The following FBXO4 variants were observed in gnomAD, a reference collection of about 807,000 sequenced individuals.
The protein encoded by FBXO4 is F-box protein 4, also known as F-box only protein 4.
In FBXO4, 36 loss-of-function variants were observed where a neutral mutation model predicts 43.7. The observed-to-expected ratio is 0.82, with a 90% CI of 0.63 to 1.09. The LOEUF (loss-of-function observed/expected upper bound fraction) is 1.09. FBXO4 is among the 50% of genes least tolerant of loss of function. The pLI is 0.00. For synonymous variants in FBXO4, 180 were observed against 165.6 expected, an observed-to-expected ratio of 1.09 and a Z score of -0.67; for missense variants, 435 against 474.1, an observed-to-expected ratio of 0.92 and a Z score of 0.77.
chr5:41,953,371 C>T, the FBXO4 span, among the ~76,000 whole-genome samples: 1 of 151,864 alleles, frequency 6.6e-6, no homozygotes, highest in African/African-American at 2.4e-5. Flanking sequence ...GTATATGTGC[C>T]ACATTTTCTT....
chr5:41,958,227 C>T, the FBXO4 span, among the ~76,000 whole-genome samples: 6 of 151,538 alleles, frequency 4.0e-5, no homozygotes, highest in Non-Finnish European at 7.4e-5. Flanking sequence ...CTCCGCCTCC[C>T]GGGTTCACGC....
rs79218198 is a variant in FBXO4, at chr5:41,935,249, A to T, written c.898+941A>T. 2.6e-5 allele frequency among the ~76,000 whole-genome samples: 4 copies of T among 152,194 alleles called. No homozygotes were observed. In the South Asian group the frequency reaches 8.3e-4, roughly 32 times the overall value. ...TAAATTAAAAAAATTTACAAGACAC[A>T]AAGAGACTATACTCACTTATCAGCT... On this transcript the variant is annotated intron_variant, in intron 5 of 6. Coordinates refer to ENST00000281623, the MANE Select transcript of FBXO4 (RefSeq NM_012176.3).
chr5:42,032,057 CTGTGTGTGTGTGTGTGTGTGTGTGTGTG>C, the FBXO4 span, among the ~76,000 whole-genome samples: 480 of 139,326 alleles, frequency 3.4e-3, 4 homozygotes, highest in African/African-American at 0.012. Context: ...GTCTTTTTTT[CTGTGTGTGTGTGTGTGTGTGTGTGTGTG>C]TGTGTGTGTG....
chr5:41,988,099 G>A, the FBXO4 span, among the ~76,000 whole-genome samples: 1 of 152,280 alleles, frequency 6.6e-6, no homozygotes, highest in Non-Finnish European at 1.5e-5. Context: ...ACGGCTTTTA[G>A]TAATATGGTG....
At chr5:42,008,829 A>G in the FBXO4 span, among the ~76,000 whole-genome samples, 1 of 152,262 alleles carries the variant, frequency 6.6e-6, no homozygotes, top group Middle Eastern at 3.4e-3. Flanking sequence ...TCTCTGTTCC[A>G]ACACTGTCCC....
chr5:42,011,966 T>A, the FBXO4 span, among the ~76,000 whole-genome samples: 3 of 152,210 alleles, frequency 2.0e-5, no homozygotes, highest in Non-Finnish European at 4.4e-5. Flanking sequence ...GGGAAACAAA[T>A]ACCGTCTTCA....
chr5:42,004,669 T>C, the FBXO4 span, among the ~76,000 whole-genome samples: 1 of 152,148 alleles, frequency 6.6e-6, no homozygotes, highest in African/African-American at 2.4e-5. Context: ...TAAAAATGAA[T>C]TAGAATTGAG....
chr5:41,925,483 C>A lies in FBXO4; in HGVS notation c.174C>A (p.Thr58=), dbSNP rs946075051. ...AGGAGGTGGATGAGGCGGCCAGCAC[C>A]CTGACGCGGCTGCCGGTGAGCGTCG... ...SREEVDEAAS[T]LTRLPIDVQL... is the part of the protein sequence containing the mutation. Residue 58 remains threonine, a synonymous_variant, in exon 1 of 7, where the codon ACC becomes ACA. Transcript: ENST00000281623. 3 of 1,314,000 alleles carry A rather than the reference C, an allele frequency of 2.3e-6. No individual in the cohort carries two copies. Among genetic ancestry groups the A allele is most frequent in the Non-Finnish European group, 2.9e-6 (3 of 1,023,766 alleles). 81.4% of individuals were successfully genotyped at this position (1,314,000 alleles called of 1,614,324 possible).
the FBXO4 span, among the ~76,000 whole-genome samples, chr5:42,017,821 CATTTTCTTTATCTAATCTACCGTCTCT>C: frequency 6.6e-6 from 1 of 151,962 alleles, no homozygotes; most frequent in Non-Finnish European, 1.5e-5. Flanking sequence ...CTATGCACCG[CATTTTCTTTATCTAATCTACCGTCTCT>C]GGGCACCTAT....
chr5:41,992,065 C>A, the FBXO4 span, among the ~76,000 whole-genome samples: 3 of 151,958 alleles, frequency 2.0e-5, no homozygotes, highest in African/African-American at 7.2e-5. Context: ...GCAACAGGAG[C>A]AAAAATCGGT....
intron 6 of FBXO4, among the ~76,000 whole-genome samples, chr5:41,940,056 G>T (rs1242598631): frequency 6.6e-6 from 1 of 151,488 alleles, no homozygotes; most frequent in East Asian, 1.9e-4. Flanking sequence ...TCTCCATGTT[G>T]CCCAGGCTGA....
chr5:42,036,205 A>T, the FBXO4 span, among the ~76,000 whole-genome samples: 10 of 152,064 alleles, frequency 6.6e-5, no homozygotes, highest in Non-Finnish European at 1.5e-4. Context: ...CTAATCTGTA[A>T]AATAATCAAA....
intron 5 of FBXO4, among the ~76,000 whole-genome samples, chr5:41,935,844 T>C (rs1163540719): frequency 6.6e-6 from 1 of 152,166 alleles, no homozygotes; most frequent in Non-Finnish European, 1.5e-5. Flanking sequence ...GTTAACAAGA[T>C]AGGCTGAAAG....
chr5:41,995,084 T>G, the FBXO4 span, among the ~76,000 whole-genome samples: 1 of 152,202 alleles, frequency 6.6e-6, no homozygotes, highest in Non-Finnish European at 1.5e-5. Context: ...TTCACCATTC[T>G]ATTAGTCTAG....
At chr5:41,952,087 C>A in the FBXO4 span, 1 of 190,960 alleles carries the variant, frequency 5.2e-6, no homozygotes, top group South Asian at 1.1e-4. Context: ...AGGTACTGTT[C>A]CATTTGGAAG....
At chr5:41,952,793 T>C in the FBXO4 span, among the ~76,000 whole-genome samples, 1 of 152,172 alleles carries the variant, frequency 6.6e-6, no homozygotes, top group Admixed American at 6.5e-5. Flanking sequence ...TATTCTTTTC[T>C]TCTTTGTCTA....
At chr5:42,028,386 A>G in the FBXO4 span, among the ~76,000 whole-genome samples, 1 of 151,700 alleles carries the variant, frequency 6.6e-6, no homozygotes, top group African/African-American at 2.4e-5. Context: ...ATCTTTTTCC[A>G]TCCCTTTATT....
the FBXO4 span, among the ~76,000 whole-genome samples, chr5:42,006,254 C>A: frequency 6.6e-6 from 1 of 151,972 alleles, no homozygotes; most frequent in African/African-American, 2.4e-5. Context: ...TTTTTAAAAA[C>A]CAGAAGTTCT....
At position 41,927,009 on chromosome 5, in the gene FBXO4, T is replaced by C. The variant is rs1751525504; in HGVS notation, c.190-4T>C. On this transcript the variant is annotated splice_region_variant and splice_polypyrimidine_tract_variant and intron_variant, in intron 1 of 6. Transcript: ENST00000281623. The stretch of plus-strand genomic sequence containing the variant: ...TTCCTACCTGCTGCTTTCTTCTGTT[T>C]CAGATTGATGTACAGCTATATATTT... The C allele has an allele frequency of 1.9e-6, 3 of 1,563,708 alleles. No homozygotes were observed. The highest frequency in any genetic ancestry group is 2.6e-6 in the Non-Finnish European group (3 of 1,154,192).
Sources: allele counts gnomAD v4.1 joint callset (sites outside exome capture counted in the v4.1 genomes callset), GRCh38; gene constraint gnomAD v4.1.1; transcripts MANE v1.5; gene names NCBI Gene and HGNC (gene_info 2026-07-23, HGNC 2026-07-21).